Variants in CEP85L observed in about 807,000 individuals in gnomAD.
CEP85L encodes centrosomal protein 85L.
CEP85L carries 60 observed loss-of-function variants against 100.3 expected under a neutral mutation model. The ratio of observed to expected loss-of-function variants is 0.60; its 90% confidence interval spans 0.49 to 0.74. The LOEUF is 0.74. Ranked by LOEUF, CEP85L falls within the 30% of genes least tolerant of loss-of-function variation. The probability of loss-of-function intolerance (pLI) is 0.00; values close to 1 mark genes in which losing one functional copy is unlikely to be tolerated. For missense variants in CEP85L, 973 were observed against 936.2 expected (o/e 1.04, Z -0.51); for synonymous variants, 319 against 322.7 (o/e 0.99, Z 0.12).
chr6:118,553,433 A>G (rs1390330173), intron 3 of CEP85L, among the ~76,000 whole-genome samples: 2 of 152,182 alleles, frequency 1.3e-5, no homozygotes, highest in Admixed American at 6.5e-5. Flanking sequence ...TTATCATCAT[A>G]CAAATGTTGG....
At position 118,706,846 on chromosome 6, in the gene CEP85L, C is replaced by T. The variant is rs1777607682; in HGVS notation, c.-28+3190G>A. Among the ~76,000 whole-genome samples, 4 of 152,194 alleles carry T rather than the reference C, an allele frequency of 2.6e-5. No individual in the cohort carries two copies. In the South Asian group the frequency reaches 8.3e-4, roughly 32 times the overall value. On this transcript the variant is annotated intron_variant, in intron 1 of 13. Transcript: ENST00000368488. ...ACTTCTCGCTTAGCTACTCTTCCCA[C>T]ACCCCAAAAAGACTCTCGCTTTGTG...
chr6:118,698,721 C>T (rs1777295967), intron 1 of CEP85L, among the ~76,000 whole-genome samples: 1 of 151,824 alleles, frequency 6.6e-6, no homozygotes. Context: ...TTTGCACTGG[C>T]CAGCAGTTGA....
Position 118,465,440 on chromosome 6 carries a change from C to T in CEP85L, c.2383G>A (p.Ala795Thr). Residue 795 changes from alanine (A) to threonine (T), a missense_variant, in exon 13 of 13, where the codon GCT (alanine) becomes ACT (threonine). By Grantham distance (58) the Ala-to-Thr change is moderately conservative. Transcript: ENST00000368491. ...ELRTTISDRYAQDMGDNCITQ is the reference protein window; with the variant it reads ...ELRTTISDRYTQDMGDNCITQ ...ATGCAGTTGTCTCCCATGTCCTGAG[C>T]ATAGCGGTCTGATATTGTAGTCCTT... 1 of 1,613,460 alleles carries T rather than the reference C, an allele frequency of 6.2e-7. No homozygotes were observed. The highest frequency in any genetic ancestry group is 8.5e-7 in the Non-Finnish European group (1 of 1,179,576).
chr6:118,686,748 C>G, intron 1 of CEP85L, among the ~76,000 whole-genome samples: 1 of 152,306 alleles, frequency 6.6e-6, no homozygotes, highest in East Asian at 1.9e-4. Context: ...GATCCACCTG[C>G]TCATGGAAAA....
chr6:118,685,839 AT>A (rs1206103287), intron 1 of CEP85L, among the ~76,000 whole-genome samples: 2 of 152,246 alleles, frequency 1.3e-5, no homozygotes, highest in African/African-American at 4.8e-5. Flanking sequence ...GTAGTAAAAA[AT>A]GTTCTTGAAA....
chr6:118,573,113 C>T (rs1346096786), intron 2 of CEP85L, among the ~76,000 whole-genome samples: 1 of 152,140 alleles, frequency 6.6e-6, no homozygotes, highest in Non-Finnish European at 1.5e-5. Flanking sequence ...TAAGGGCTTA[C>T]ATTTCACAGC....
intron 2 of CEP85L, among the ~76,000 whole-genome samples, chr6:118,579,993 G>A (rs983860158): frequency 1.3e-5 from 2 of 151,886 alleles, no homozygotes; most frequent in African/African-American, 4.8e-5. Context: ...CCCTGCATTT[G>A]CATATTAAAA....
intron 1 of CEP85L, among the ~76,000 whole-genome samples, chr6:118,675,227 C>A (rs1776446476): frequency 6.6e-6 from 1 of 151,946 alleles, no homozygotes; most frequent in South Asian, 2.1e-4. Flanking sequence ...ACACAAAAAC[C>A]ACATATTTTA....
chr6:118,533,450 T>G (rs1251554215), intron 3 of CEP85L, among the ~76,000 whole-genome samples: 1 of 140,442 alleles, frequency 7.1e-6, no homozygotes, highest in African/African-American at 2.7e-5. Flanking sequence ...ACTATTAGAG[T>G]AATTGAATTT....
chr6:118,572,919 G>A (rs575150940), intron 2 of CEP85L, among the ~76,000 whole-genome samples: 33 of 152,108 alleles, frequency 2.2e-4, no homozygotes, highest in East Asian at 2.1e-3. Context: ...AAAATTAGCC[G>A]GGCGCAGTGG....
intron 1 of CEP85L, among the ~76,000 whole-genome samples, chr6:118,699,690 C>CTAG (rs987340349): frequency 2.6e-5 from 4 of 151,604 alleles, no homozygotes; most frequent in African/African-American, 7.3e-5. Context: ...ATTATTACTA[C>CTAG]TATTATTATT....
chr6:118,477,003 A>C (rs562528881), intron 10 of CEP85L, among the ~76,000 whole-genome samples: 12 of 152,352 alleles, frequency 7.9e-5, no homozygotes, highest in Admixed American at 2.0e-4. Flanking sequence ...AGTAATGCCC[A>C]ATGAAGAACT....
chr6:118,498,496 A>C (rs1003081963), intron 5 of CEP85L, among the ~76,000 whole-genome samples: 1 of 152,028 alleles, frequency 6.6e-6, no homozygotes, highest in Non-Finnish European at 1.5e-5. Context: ...ACTGTATCAG[A>C]AATGGACAAA....
intron 5 of CEP85L, among the ~76,000 whole-genome samples, chr6:118,507,925 T>C (rs1775753482): frequency 1.3e-5 from 2 of 152,208 alleles, no homozygotes; most frequent in Non-Finnish European, 2.9e-5. Flanking sequence ...GTCTGTGTTC[T>C]CCATTAGACT....
intron 1 of CEP85L, among the ~76,000 whole-genome samples, chr6:118,680,306 CTTTTTTTTTTT>C (rs57764027): frequency 1.8e-5 from 1 of 56,172 alleles, no homozygotes; most frequent in Non-Finnish European, 3.4e-5. Flanking sequence ...CTTGGTGTTG[CTTTTTTTTTTT>C]TTTTTTTTTT....
At chr6:118,477,979 A>T (rs1455734900) in intron 10 of CEP85L, among the ~76,000 whole-genome samples, 1 of 152,114 alleles carries the variant, frequency 6.6e-6, no homozygotes, top group African/African-American at 2.4e-5. Context: ...GGACATCATA[A>T]TCTACATAGG....
chr6:118,513,608 A>T (rs11153752), intron 4 of CEP85L, among the ~76,000 whole-genome samples: 70,366 of 151,878 alleles, frequency 0.46, 16,802 homozygotes, highest in Middle Eastern at 0.57. Context: ...AAAAATTTGA[A>T]AACAACACAA....
chr6:118,613,320 T>C (rs1235298211), intron 2 of CEP85L, among the ~76,000 whole-genome samples: 1 of 152,202 alleles, frequency 6.6e-6, no homozygotes, highest in African/African-American at 2.4e-5. Context: ...TCTACACACA[T>C]AAACTTGATA....
chr6:118,487,550 T>C (rs1416972065), intron 6 of CEP85L, among the ~76,000 whole-genome samples: 1 of 152,208 alleles, frequency 6.6e-6, no homozygotes, highest in Non-Finnish European at 1.5e-5. Flanking sequence ...ATCAGCCACA[T>C]GGAAGCAATT....
Sources: allele counts gnomAD v4.1 joint callset (sites outside exome capture counted in the v4.1 genomes callset), GRCh38; gene constraint gnomAD v4.1.1; transcripts MANE v1.5; gene names NCBI Gene and HGNC (gene_info 2026-07-23, HGNC 2026-07-21).